Variants in ARSH observed in about 807,000 individuals in gnomAD.
ARSH encodes the protein arylsulfatase H.
A neutral mutation model predicts 28.7 loss-of-function variants in ARSH; 32 were observed. The ratio of observed to expected loss-of-function variants is 1.11; its 90% CI spans 0.84 to 1.50. ARSH has a LOEUF of 1.50. Ranked by LOEUF, ARSH falls within the 40% of genes most tolerant of loss-of-function variation. The pLI is 0.00. For synonymous variants in ARSH, 176 were observed against 177.3 expected (o/e 0.99, Z 0.06); for missense variants, 440 against 452.4 (o/e 0.97, Z 0.25).
chrX:3,031,837 G>A (rs770205646), intron 8 of ARSH, among the ~76,000 whole-genome samples: 40 of 110,952 alleles, frequency 3.6e-4, no homozygotes, highest in African/African-American at 1.2e-3. Context: ...TCAGTGCCAC[G>A]GTCATGGGAC....
At position 3,007,286 on chromosome X, in the gene ARSH, G is replaced by A. The variant is rs991001778; in HGVS notation, c.92+582G>A. ...AAAATCACCTTTTAACCATTTTAAAGTGAACAATTCAGTGGCATTTGGTAC... is the reference window on the plus strand; with the variant it reads ...AAAATCACCTTTTAACCATTTTAAAATGAACAATTCAGTGGCATTTGGTAC... On this transcript the variant is annotated intron_variant, in intron 1 of 8. Coordinates refer to ENST00000381130, the MANE Select transcript of ARSH (RefSeq NM_001011719.2). 1.1e-4 allele frequency among the ~76,000 whole-genome samples: 12 copies of A among 108,242 alleles called. No individual in the cohort carries two copies. In the South Asian group the frequency reaches 1.2e-3, roughly 11 times the overall value. 94.0% of individuals were successfully genotyped at this position (108,242 alleles called of 115,157 possible). A position where few individuals can be genotyped will look rare whatever the true frequency, so the allele number is the denominator to read the frequency against.
Position 3,006,720 on chromosome X carries a change from G to A in ARSH, c.92+16G>A, listed in dbSNP as rs771764122. On this transcript the variant is annotated intron_variant, in intron 1 of 8. Coordinates refer to ENST00000381130, the MANE Select transcript of ARSH (RefSeq NM_001011719.2). ...ACTCAGTGAGGTAAAGATGGACTCT[G>A]ACCCCCTCCCTGTATGTGGGAGTCT... is the stretch of plus-strand genomic sequence containing the variant. The A allele has an allele frequency of 1.1e-5, 13 of 1,169,723 alleles. No individual in the cohort carries two copies. In the South Asian group the frequency reaches 2.4e-4, roughly 21 times the overall value.
At chrX:3,017,454 C>G (rs887126366) in intron 4 of ARSH, among the ~76,000 whole-genome samples, 3 of 111,256 alleles carry the variant, frequency 2.7e-5, no homozygotes, top group Non-Finnish European at 5.6e-5. Context: ...GTGGTCTCAG[C>G]TCCTTGGAAG....
chrX:3,008,062 C>A (rs982920397), intron 1 of ARSH, among the ~76,000 whole-genome samples: 1 of 112,014 alleles, frequency 8.9e-6, no homozygotes, highest in African/African-American at 3.2e-5. Context: ...GGGAGGGACA[C>A]AATTTAGCTC....
In ARSH at chrX:3,033,535, C is replaced by T. The variant is rs781714677; in HGVS notation, c.*150C>T. 9.8e-5 allele frequency: 59 copies of T among 603,691 alleles called. No individual in the cohort carries two copies. Among genetic ancestry groups the T allele is most frequent in the Non-Finnish European group, 1.3e-4 (53 of 418,192 alleles). The allele number at this position is 603,691 out of a possible 1,213,427, so 49.8% of individuals were successfully genotyped here. A position where few individuals can be genotyped will look rare whatever the true frequency, so the allele number is the denominator to read the frequency against. On this transcript the variant is annotated 3_prime_UTR_variant, in exon 9 of 9. Coordinates refer to ENST00000381130, the MANE Select transcript of ARSH (RefSeq NM_001011719.2). ...TCAGAAATCAGTTCTTTCAAGAGCT[C>T]GGTGAAATTAAAGTGGGCCCATATA...
At chrX:3,013,225 A>G (rs2089856097) in intron 3 of ARSH, 53 bp downstream of exon 3, 1 of 1,169,911 alleles carries the variant, frequency 8.5e-7, no homozygotes, top group Admixed American at 2.4e-5. Flanking sequence ...CCTCTCTGTC[A>G]TCGTGTCTAA....
chrX:3,023,402 A>G (rs1320310348), intron 5 of ARSH, among the ~76,000 whole-genome samples: 1 of 103,420 alleles, frequency 9.7e-6, no homozygotes, highest in East Asian at 3.0e-4. Flanking sequence ...CAATAAACAT[A>G]TATTTTTACA....
chrX:3,011,543 G>A (rs915159583), intron 2 of ARSH, among the ~76,000 whole-genome samples: 2 of 111,583 alleles, frequency 1.8e-5, no homozygotes, highest in African/African-American at 6.5e-5. Context: ...GAGCCACCAT[G>A]CTCTGCCTAA....
intron 1 of ARSH, among the ~76,000 whole-genome samples, chrX:3,008,056 G>A (rs2089833786): frequency 8.9e-6 from 1 of 112,039 alleles, no homozygotes. Context: ...GAATTTGGGA[G>A]GGACACAATT....
intron 8 of ARSH, among the ~76,000 whole-genome samples, chrX:3,032,022 A>G (rs931360578): frequency 8.9e-6 from 1 of 111,881 alleles, no homozygotes. Context: ...ATTTGATCCT[A>G]TTTTAGTAGG....
At chrX:3,012,589 ATATATATATAATATATATATGTATG>A (rs1364065859) in intron 2 of ARSH, among the ~76,000 whole-genome samples, 4 of 25,153 alleles carry the variant, frequency 1.6e-4, no homozygotes, top group Non-Finnish European at 2.6e-4. Context: ...ATATATATAT[ATATATATATAATATATATATGTATG>A]TGTATATACA....
At chrX:3,018,441 T>C in intron 4 of ARSH, 93 bp from the exon 5 acceptor site, 2 of 957,131 alleles carry the variant, frequency 2.1e-6, no homozygotes, top group African/African-American at 1.9e-5. Flanking sequence ...CGCCAGCTAT[T>C]ATGAGATCTT....
Position 3,006,717 on chromosome X carries a change from T to C in ARSH, c.92+13T>C. On this transcript the variant is annotated intron_variant, in intron 1 of 8. Transcript: ENST00000381130. ...ATAACTCAGTGAGGTAAAGATGGAC[T>C]CTGACCCCCTCCCTGTATGTGGGAG... The C allele has an allele frequency of 2.6e-6, 3 of 1,169,718 alleles. No individual in the cohort carries two copies. The highest frequency in any genetic ancestry group is 3.5e-6 in the Non-Finnish European group (3 of 859,185).
intron 1 of ARSH, among the ~76,000 whole-genome samples, chrX:3,008,483 TTCTTTC>T (rs1430368315): frequency 9.8e-6 from 1 of 102,528 alleles, no homozygotes; most frequent in African/African-American, 3.6e-5. Flanking sequence ...CTTTCTTTCT[TTCTTTC>T]TTTCTTTCTT....
intron 1 of ARSH, among the ~76,000 whole-genome samples, chrX:3,009,462 C>A (rs2147451473): frequency 9.1e-6 from 1 of 109,781 alleles, no homozygotes; most frequent in East Asian, 2.8e-4. Context: ...TAGAGTGAGA[C>A]CACGTCTCAG....
chrX:3,007,769 T>C (rs1438976442), intron 1 of ARSH, among the ~76,000 whole-genome samples: 2 of 109,650 alleles, frequency 1.8e-5, no homozygotes, highest in African/African-American at 6.7e-5. Flanking sequence ...TCTCCCACAG[T>C]CCTGGAGGCT....
chrX:3,010,792 C>T (rs774478185), intron 2 of ARSH, among the ~76,000 whole-genome samples: 1 of 111,873 alleles, frequency 8.9e-6, no homozygotes, highest in Non-Finnish European at 1.9e-5. Flanking sequence ...TCATGGTTAT[C>T]AGACTCTATG....
intron 8 of ARSH, among the ~76,000 whole-genome samples, chrX:3,031,855 CT>C (rs979100523): frequency 2.7e-5 from 3 of 111,092 alleles, no homozygotes; most frequent in African/African-American, 3.3e-5. Context: ...GACCAGGGTT[CT>C]TTTTTTCTAC....
chrX:3,025,099 C>A (rs756248684), intron 6 of ARSH, among the ~76,000 whole-genome samples: 1 of 108,576 alleles, frequency 9.2e-6, no homozygotes, highest in East Asian at 2.9e-4. Flanking sequence ...AATATAGAAT[C>A]ATATATATTC....
Sources: gnomAD v4.1 joint callset for allele counts (sites outside exome capture counted in the v4.1 genomes callset) on GRCh38, gnomAD v4.1.1 for gene constraint, MANE v1.5 for transcripts, NCBI Gene and HGNC (gene_info 2026-07-23, HGNC 2026-07-21) for gene names.